The following PTPRD variants were observed in gnomAD, a reference collection of about 807,000 sequenced individuals.
PTPRD encodes protein tyrosine phosphatase receptor type D.
A neutral mutation model predicts 214.5 loss-of-function variants in PTPRD; 34 were observed. The ratio of observed to expected loss-of-function variants is 0.16; its 90% CI spans 0.12 to 0.21. The LOEUF is 0.21. Among genes scored for constraint, PTPRD ranks in the 10% least tolerant of loss-of-function variants. The pLI, the probability that PTPRD is intolerant of heterozygous loss-of-function variation, is 1.00. For synonymous variants in PTPRD, 1,128 were observed against 845.7 expected (o/e 1.33, Z -5.79); for missense variants, 2,545 against 2,398.7 (o/e 1.06, Z -1.27).
At chr9:10,139,068 G>C (rs528263331) in intron 3 of PTPRD, among the ~76,000 whole-genome samples, 1 of 151,948 alleles carries the variant, frequency 6.6e-6, no homozygotes, top group South Asian at 2.1e-4. Context: ...AAAAAATAAA[G>C]AGGCATCCAA....
intron 9 of PTPRD, among the ~76,000 whole-genome samples, chr9:9,295,912 T>C (rs1401495309): frequency 1.3e-5 from 2 of 151,826 alleles, no homozygotes; most frequent in Non-Finnish European, 2.9e-5. Flanking sequence ...TTTTAGCCTA[T>C]TGACAATTAT....
chr9:9,693,228 C>T (rs1184881055), intron 7 of PTPRD, among the ~76,000 whole-genome samples: 2 of 152,024 alleles, frequency 1.3e-5, no homozygotes, highest in African/African-American at 4.8e-5. Context: ...TGTGTTCGCA[C>T]TAAATCTCAT....
chr9:8,456,830 T>C (rs1234388013), intron 33 of PTPRD, among the ~76,000 whole-genome samples: 1 of 77,262 alleles, frequency 1.3e-5, no homozygotes, highest in Non-Finnish European at 2.8e-5. Context: ...CATCTCAGAC[T>C]TCTAGGACCA....
At chr9:10,612,056 C>G (rs1215283034) in intron 2 of PTPRD, among the ~76,000 whole-genome samples, 1 of 151,850 alleles carries the variant, frequency 6.6e-6, no homozygotes. Context: ...ATTTTTCAAG[C>G]TTTTTCTAGA....
chr9:9,845,058 C>T (rs368094219), intron 5 of PTPRD, among the ~76,000 whole-genome samples: 2 of 46,682 alleles, frequency 4.3e-5, no homozygotes, highest in Non-Finnish European at 1.2e-4. Flanking sequence ...ATATATAGAG[C>T]AATATATATA....
chr9:9,635,547 T>A (rs2095737838), intron 7 of PTPRD, among the ~76,000 whole-genome samples: 1 of 152,218 alleles, frequency 6.6e-6, no homozygotes. Context: ...CTTTTACAGC[T>A]GAAGAAAGCC....
At chr9:9,394,289 G>A (rs1430300974) in intron 9 of PTPRD, among the ~76,000 whole-genome samples, 8 of 152,114 alleles carry the variant, frequency 5.3e-5, no homozygotes, top group Non-Finnish European at 1.2e-4. Flanking sequence ...AAAAATAAGA[G>A]CTTGCATCTC....
chr9:9,339,056 T>C (rs1395115388), intron 9 of PTPRD, among the ~76,000 whole-genome samples: 1 of 152,100 alleles, frequency 6.6e-6, no homozygotes, highest in Non-Finnish European at 1.5e-5. Context: ...AAATGGAAAA[T>C]ACACTTTAAT....
intron 2 of PTPRD, among the ~76,000 whole-genome samples, chr9:10,454,045 T>C (rs2098881347): frequency 1.3e-5 from 2 of 151,630 alleles, no homozygotes; most frequent in Non-Finnish European, 3.0e-5. Context: ...TACAAGATAG[T>C]ATCCACCAGT....
intron 9 of PTPRD, among the ~76,000 whole-genome samples, chr9:9,327,299 G>A (rs1161849741): frequency 6.6e-6 from 1 of 152,106 alleles, no homozygotes; most frequent in African/African-American, 2.4e-5. Flanking sequence ...AATATTCCCT[G>A]TTCTAGTCTG....
At chr9:8,709,311 G>A (rs751594825) in intron 12 of PTPRD, among the ~76,000 whole-genome samples, 5 of 151,890 alleles carry the variant, frequency 3.3e-5, no homozygotes, top group Admixed American at 6.6e-5. Flanking sequence ...TCAGGAGATC[G>A]AGACCATCCT....
At chr9:8,335,220 C>T (rs1845419437) in intron 43 of PTPRD, among the ~76,000 whole-genome samples, 1 of 150,492 alleles carries the variant, frequency 6.6e-6, no homozygotes, top group South Asian at 2.1e-4. Context: ...GCCAATATCC[C>T]TGATGAACAT....
intron 11 of PTPRD, among the ~76,000 whole-genome samples, chr9:8,909,776 G>C (rs893658044): frequency 9.9e-4 from 148 of 149,850 alleles, no homozygotes; most frequent in Middle Eastern, 3.5e-3. Context: ...GACAGAGATA[G>C]AGATAGAGAT....
intron 7 of PTPRD, among the ~76,000 whole-genome samples, chr9:9,624,223 G>A (rs560142837): frequency 1.3e-4 from 19 of 151,906 alleles, no homozygotes; most frequent in African/African-American, 4.6e-4. Context: ...CTACTTTCCT[G>A]TCTTCTGCTG....
intron 2 of PTPRD, among the ~76,000 whole-genome samples, chr9:10,520,593 G>T (rs1350935928): frequency 6.6e-6 from 1 of 152,194 alleles, no homozygotes; most frequent in Non-Finnish European, 1.5e-5. Flanking sequence ...TCTATTGGAA[G>T]AAGCATACCA....
chr9:9,669,740 A>G (rs959962388), intron 7 of PTPRD, among the ~76,000 whole-genome samples: 6 of 152,170 alleles, frequency 3.9e-5, no homozygotes, highest in African/African-American at 9.6e-5. Flanking sequence ...CATCATTTTT[A>G]TAATTCAAAA....
chr9:9,109,276 T>C (rs1223962188), intron 10 of PTPRD, among the ~76,000 whole-genome samples: 1 of 152,164 alleles, frequency 6.6e-6, no homozygotes, highest in Non-Finnish European at 1.5e-5. Context: ...TTTAAAAATG[T>C]AGCATCTGTG....
At chr9:8,655,133 C>T (rs879752331) in intron 12 of PTPRD, among the ~76,000 whole-genome samples, 3 of 152,130 alleles carry the variant, frequency 2.0e-5, no homozygotes, top group South Asian at 2.1e-4. Flanking sequence ...GGATAGTCTT[C>T]ACAAAGTGGC....
chr9:10,547,017 T>C (rs1273720745), intron 2 of PTPRD, among the ~76,000 whole-genome samples: 2 of 152,098 alleles, frequency 1.3e-5, no homozygotes, highest in African/African-American at 4.8e-5. Context: ...GCTGTAGGGT[T>C]CATTAAGCCT....
Sources: allele counts gnomAD v4.1 joint callset (sites outside exome capture counted in the v4.1 genomes callset), GRCh38; gene constraint gnomAD v4.1.1; transcripts MANE v1.5; gene names NCBI Gene and HGNC (gene_info 2026-07-23, HGNC 2026-07-21).